AGBL4: variants seen among roughly 807,000 people sequenced by gnomAD.
The protein encoded by AGBL4 is AGBL carboxypeptidase 4.
A neutral mutation model predicts 66.4 loss-of-function variants in AGBL4; 58 were observed. The observed-to-expected ratio is 0.87, with a 90% CI of 0.71 to 1.09. The LOEUF (loss-of-function observed/expected upper bound fraction) is 1.09. Among genes scored for constraint, AGBL4 ranks in the 50% least tolerant of loss-of-function variants. The pLI, the probability that AGBL4 is intolerant of heterozygous loss-of-function variation, is 0.00. For missense variants in AGBL4, 579 were observed against 631.0 expected (o/e 0.92, Z 0.88); for synonymous variants, 234 against 222.9 (o/e 1.05, Z -0.44).
intron 3 of AGBL4, among the ~76,000 whole-genome samples, chr1:49,251,585 C>A (rs1305354977): frequency 6.6e-6 from 1 of 152,216 alleles, no homozygotes; most frequent in Non-Finnish European, 1.5e-5. Context: ...TGCAACCATG[C>A]ACAGTCTCCA....
intron 3 of AGBL4, among the ~76,000 whole-genome samples, chr1:49,302,470 G>T (rs1270160985): frequency 6.6e-6 from 1 of 151,838 alleles, no homozygotes; most frequent in Non-Finnish European, 1.5e-5. Flanking sequence ...AGCCAGGCTA[G>T]TCTCAAACTC....
At chr1:49,769,384 T>C (rs1298097902) in intron 2 of AGBL4, among the ~76,000 whole-genome samples, 4 of 152,116 alleles carry the variant, frequency 2.6e-5, no homozygotes, top group Non-Finnish European at 4.4e-5. Flanking sequence ...AAAATGGCCA[T>C]AATGCCCAAA....
chr1:49,075,819 A>G (rs530225189), intron 4 of AGBL4, among the ~76,000 whole-genome samples: 1 of 152,326 alleles, frequency 6.6e-6, no homozygotes, highest in African/African-American at 2.4e-5. Context: ...TTCCTAGAAT[A>G]CCAAAATAGA....
intron 2 of AGBL4, among the ~76,000 whole-genome samples, chr1:49,849,768 A>G: frequency 6.6e-6 from 1 of 152,134 alleles, no homozygotes; most frequent in East Asian, 1.9e-4. Context: ...TTTTTTGTAA[A>G]GGATGGAAGA....
intron 11 of AGBL4, among the ~76,000 whole-genome samples, chr1:48,576,413 T>C (rs1644654268): frequency 6.6e-6 from 1 of 152,156 alleles, no homozygotes; most frequent in Non-Finnish European, 1.5e-5. Context: ...ACTGCTACTT[T>C]AGAGATTTGA....
intron 3 of AGBL4, among the ~76,000 whole-genome samples, chr1:49,498,004 G>A (rs181576862): frequency 7.2e-4 from 110 of 151,904 alleles, no homozygotes; most frequent in African/African-American, 1.0e-3. Context: ...TTATGAACAC[G>A]GTATGTCTTA....
intron 2 of AGBL4, among the ~76,000 whole-genome samples, chr1:49,801,796 T>C (rs1644867293): frequency 6.6e-6 from 1 of 152,172 alleles, no homozygotes; most frequent in South Asian, 2.1e-4. Flanking sequence ...TTAAAAAGCA[T>C]CATTTGAAAG....
chr1:48,944,324 C>G (rs916623984), intron 5 of AGBL4, among the ~76,000 whole-genome samples: 2 of 152,112 alleles, frequency 1.3e-5, no homozygotes, highest in African/African-American at 4.8e-5. Flanking sequence ...CTCCTTCCAT[C>G]CATCCATCAA....
chr1:48,750,824 C>T (rs1320811845), intron 6 of AGBL4, among the ~76,000 whole-genome samples: 1 of 152,096 alleles, frequency 6.6e-6, no homozygotes, highest in African/African-American at 2.4e-5. Flanking sequence ...AGCTTCTTGT[C>T]CTGTATAGGA....
rs1289037458 is a variant in AGBL4, at chr1:49,457,411, T to C, written c.283-211547A>G. On this transcript the variant is annotated intron_variant, in intron 3 of 13. Coordinates refer to ENST00000371839, the MANE Select transcript of AGBL4 (RefSeq NM_032785.4). ...CTATTCATTATCTCAGCCCAGATTG[T>C]TTTTGTTCTTGCTGATTTGTTTGAA... 3.3e-5 allele frequency among the ~76,000 whole-genome samples: 5 copies of C among 151,730 alleles called. No homozygotes were observed. In the East Asian group the frequency reaches 9.7e-4, roughly 29 times the overall value.
intron 5 of AGBL4, among the ~76,000 whole-genome samples, chr1:48,928,243 G>C (rs1557470377): frequency 6.6e-6 from 1 of 152,168 alleles, no homozygotes; most frequent in Non-Finnish European, 1.5e-5. Flanking sequence ...CCAGTAGCTA[G>C]AATGAAAGCT....
At chr1:49,951,640 C>T (rs1240804288) in intron 1 of AGBL4, among the ~76,000 whole-genome samples, 2 of 151,882 alleles carry the variant, frequency 1.3e-5, no homozygotes, top group Middle Eastern at 3.2e-3. Flanking sequence ...TAGTTTACTA[C>T]GGCATACGTA....
chr1:48,960,055 G>C (rs192865754), intron 5 of AGBL4, among the ~76,000 whole-genome samples: 1 of 152,134 alleles, frequency 6.6e-6, no homozygotes, highest in African/African-American at 2.4e-5. Flanking sequence ...GGAAGAGCAG[G>C]AGAAGGAGGC....
At chr1:49,148,613 G>T (rs1288740780) in intron 4 of AGBL4, among the ~76,000 whole-genome samples, 1 of 152,166 alleles carries the variant, frequency 6.6e-6, no homozygotes, top group Non-Finnish European at 1.5e-5. Context: ...AGTCCAAGCA[G>T]GATGTCCTGA....
chr1:49,975,046 G>A (rs1658444545), intron 1 of AGBL4, among the ~76,000 whole-genome samples: 1 of 152,058 alleles, frequency 6.6e-6, no homozygotes. Flanking sequence ...TGTGGTAGTT[G>A]CTATAGAAAC....
At chr1:50,022,080 T>C (rs1278043787) in intron 1 of AGBL4, among the ~76,000 whole-genome samples, 1 of 152,150 alleles carries the variant, frequency 6.6e-6, no homozygotes, top group Non-Finnish European at 1.5e-5. Context: ...CCAATCCCTA[T>C]CATATGTCAG....
chr1:48,919,960 TA>T (rs1653944939), intron 5 of AGBL4, among the ~76,000 whole-genome samples: 1 of 152,196 alleles, frequency 6.6e-6, no homozygotes, highest in African/African-American at 2.4e-5. Flanking sequence ...TCAGTATATG[TA>T]ATCCATGCTG....
chr1:49,100,526 G>C (rs964829286), intron 4 of AGBL4, among the ~76,000 whole-genome samples: 7 of 152,196 alleles, frequency 4.6e-5, no homozygotes, highest in Non-Finnish European at 1.0e-4. Context: ...CAATGCATAA[G>C]AGGCATGAAG....
At chr1:49,742,477 C>A (rs1173641203) in intron 2 of AGBL4, among the ~76,000 whole-genome samples, 1 of 151,682 alleles carries the variant, frequency 6.6e-6, no homozygotes, top group Non-Finnish European at 1.5e-5. Flanking sequence ...CCATACTGCC[C>A]AAGGTAATTT....
Sources: gnomAD v4.1 joint callset for allele counts (sites outside exome capture counted in the v4.1 genomes callset) on GRCh38, gnomAD v4.1.1 for gene constraint, MANE v1.5 for transcripts, NCBI Gene and HGNC (gene_info 2026-07-23, HGNC 2026-07-21) for gene names.